The following SNX18 variants were observed in gnomAD, a reference collection of about 807,000 sequenced individuals.
SNX18 encodes the protein sorting nexin 18.
SNX18 carries 35 observed loss-of-function variants against 48.7 expected under a neutral mutation model. That is an observed-to-expected ratio of 0.72 (90% CI 0.55 to 0.95). The LOEUF is 0.95. Ranked by LOEUF, SNX18 falls within the 40% of genes least tolerant of loss-of-function variation. SNX18 has a pLI of 0.00. For missense variants in SNX18, 824 were observed against 871.0 expected (o/e 0.95, Z 0.68); for synonymous variants, 492 against 384.7 (o/e 1.28, Z -3.26).
rs540674739 is a variant in SNX18, at chr5:54,539,136, G to A, written c.1622-4043G>A. Among the ~76,000 whole-genome samples, 39 of 152,200 alleles carry A rather than the reference G, an allele frequency of 2.6e-4. No individual in the cohort carries two copies. The South Asian group carries it at 6.4e-3, about 25-fold the overall frequency. On this transcript the variant is annotated intron_variant, in intron 1 of 1. Transcript: ENST00000381410. ...CAGCCTGGAATTCCTGGACTCTCCC[G>A]CCTCAGCCTCCTGAGTAGCTGGGAG...
chr5:54,618,469 C>T, the SNX18 span, among the ~76,000 whole-genome samples: 1 of 152,162 alleles, frequency 6.6e-6, no homozygotes, highest in Middle Eastern at 3.2e-3. Flanking sequence ...TTAGACCTTG[C>T]CATCCTTCAC....
the SNX18 span, among the ~76,000 whole-genome samples, chr5:54,627,429 C>T: frequency 6.6e-6 from 1 of 152,072 alleles, no homozygotes; most frequent in Admixed American, 6.5e-5. Context: ...CATGTTATTT[C>T]ATTTGTTTAT....
the SNX18 span, among the ~76,000 whole-genome samples, chr5:54,624,565 T>C: frequency 6.6e-6 from 1 of 152,222 alleles, no homozygotes; most frequent in Admixed American, 6.5e-5. Flanking sequence ...ATTTTAGTAC[T>C]TCAGGGATAT....
At chr5:54,523,286 A>C (rs936453554) in intron 1 of SNX18, among the ~76,000 whole-genome samples, 7 of 152,112 alleles carry the variant, frequency 4.6e-5, no homozygotes, top group Non-Finnish European at 8.8e-5. Context: ...TTTTATTATT[A>C]GTTTCTTGGC....
chr5:54,540,405 TG>T (rs1762445851), intron 1 of SNX18, among the ~76,000 whole-genome samples: 1 of 151,928 alleles, frequency 6.6e-6, no homozygotes, highest in Non-Finnish European at 1.5e-5. Context: ...TTCATAGGGA[TG>T]GGGTTTCACC....
At chr5:54,546,589 T>G (rs928955234), downstream of SNX18, 1 of 152,234 alleles carries the variant, frequency 6.6e-6, no homozygotes, top group Admixed American at 6.5e-5. Flanking sequence ...ATTTCTTAGC[T>G]TCAATGGAAT....
chr5:54,588,306 C>CTTTTTTTTTTTTTTTTTTTT, the SNX18 span, among the ~76,000 whole-genome samples: 58 of 73,918 alleles, frequency 7.8e-4, 9 homozygotes, highest in African/African-American at 1.9e-3. Flanking sequence ...TATTTCTATT[C>CTTTTTTTTTTTTTTTTTTTT]TTTTTTTTTT....
chr5:54,561,229 C>T, the SNX18 span, among the ~76,000 whole-genome samples: 20 of 151,700 alleles, frequency 1.3e-4, no homozygotes, highest in African/African-American at 2.2e-4. Flanking sequence ...TTTAGTAAGA[C>T]GGGGTTTCTC....
chr5:54,612,173 T>C, the SNX18 span, among the ~76,000 whole-genome samples: 1 of 152,214 alleles, frequency 6.6e-6, no homozygotes, highest in East Asian at 1.9e-4. Flanking sequence ...CTATTCCTAA[T>C]AAGGACCATT....
At chr5:54,553,706 G>A in the SNX18 span, among the ~76,000 whole-genome samples, 1 of 152,154 alleles carries the variant, frequency 6.6e-6, no homozygotes, top group East Asian at 1.9e-4. Context: ...CTAAGTTTCT[G>A]GGTGCACACA....
the SNX18 span, among the ~76,000 whole-genome samples, chr5:54,640,392 T>C: frequency 2.7e-5 from 1 of 36,712 alleles, no homozygotes; most frequent in Admixed American, 1.8e-4. Context: ...TTTTGTACTT[T>C]CTTTTTTTTA....
rs766970343 is a variant in SNX18 at position 54,518,907 on chromosome 5, C to T, written c.955C>T (p.Leu319=). The T allele has an allele frequency of 1.2e-6, 2 of 1,613,966 alleles. No individual in the cohort carries two copies. Among genetic ancestry groups the T allele is most frequent in the Non-Finnish European group, 1.7e-6 (2 of 1,180,030 alleles). ...TCGGCGCTACAAGCACTTCGACTGG[C>T]TGTACGCGCGCCTGGCGGAGAAGTT... ...VHRRYKHFDW[L]YARLAEKFPV... The change falls in exon 1 of 2, where the codon CTG becomes TTG. Residue 319 remains leucine (L), a synonymous_variant. Transcript: ENST00000381410.
chr5:54,579,877 T>C, the SNX18 span, among the ~76,000 whole-genome samples: 1 of 152,190 alleles, frequency 6.6e-6, no homozygotes, highest in African/African-American at 2.4e-5. Flanking sequence ...TCTTGAAAAA[T>C]AAACAATAGT....
At chr5:54,641,873 G>A in the SNX18 span, among the ~76,000 whole-genome samples, 1 of 152,086 alleles carries the variant, frequency 6.6e-6, no homozygotes, top group Non-Finnish European at 1.5e-5. Flanking sequence ...CCATGCCCCA[G>A]TTCCTTGCTG....
the SNX18 span, among the ~76,000 whole-genome samples, chr5:54,641,548 A>C: frequency 6.6e-6 from 1 of 152,158 alleles, no homozygotes; most frequent in African/African-American, 2.4e-5. Context: ...CCCACAGAGA[A>C]GAACACCTTT....
At chr5:54,534,937 T>G (rs756618862) in intron 1 of SNX18, among the ~76,000 whole-genome samples, 3 of 152,204 alleles carry the variant, frequency 2.0e-5, no homozygotes, top group Non-Finnish European at 4.4e-5. Flanking sequence ...TGTTAGCGTT[T>G]ACTGATGGAA....
At chr5:54,556,352 G>T in the SNX18 span, among the ~76,000 whole-genome samples, 5,838 of 152,252 alleles carry the variant, frequency 0.038, 191 homozygotes, top group Middle Eastern at 0.095. Flanking sequence ...CTCTGCGGGA[G>T]AATCCATTTC....
chr5:54,583,386 C>G, the SNX18 span, among the ~76,000 whole-genome samples: 2 of 152,348 alleles, frequency 1.3e-5, no homozygotes, highest in East Asian at 3.9e-4. Context: ...CATTTCAGAT[C>G]TGGCTCTGGG....
chr5:54,585,248 T>C, the SNX18 span, among the ~76,000 whole-genome samples: 1 of 149,488 alleles, frequency 6.7e-6, no homozygotes, highest in African/African-American at 2.5e-5. Context: ...GTTGTTACCA[T>C]GCTCCTGCAC....
Sources: gnomAD v4.1 joint callset for allele counts (sites outside exome capture counted in the v4.1 genomes callset) on GRCh38, gnomAD v4.1.1 for gene constraint, MANE v1.5 for transcripts, NCBI Gene and HGNC (gene_info 2026-07-23, HGNC 2026-07-21) for gene names.